The following PARVB variants were observed in gnomAD, a reference collection of about 807,000 sequenced individuals.
PARVB encodes the protein beta-parvin.
In PARVB, 46 loss-of-function variants were observed where a neutral mutation model predicts 47.0. The observed-to-expected ratio is 0.98, with a 90% CI of 0.77 to 1.25. PARVB has a LOEUF of 1.25. Ranked by LOEUF, PARVB falls within the 50% of genes most tolerant of loss-of-function variation. The probability of loss-of-function intolerance (pLI) is 0.00; values close to 1 mark genes in which losing one functional copy is unlikely to be tolerated. For missense variants in PARVB, 473 were observed against 471.6 expected, an observed-to-expected ratio of 1.00 and a Z score of -0.03; for synonymous variants, 196 against 196.3, an observed-to-expected ratio of 1.00 and a Z score of 0.01.
intron 2 of PARVB, among the ~76,000 whole-genome samples, chr22:44,001,619 A>G (rs2050414140): frequency 6.6e-6 from 1 of 152,208 alleles, no homozygotes; most frequent in Non-Finnish European, 1.5e-5. Context: ...GACCATTAGA[A>G]GTTAGGGAGG....
intron 2 of PARVB, among the ~76,000 whole-genome samples, chr22:44,012,473 A>G (rs1356538629): frequency 6.6e-6 from 1 of 152,226 alleles, no homozygotes; most frequent in African/African-American, 2.4e-5. Context: ...TACTGTGAAC[A>G]TCGCAGGTTA....
At chr22:44,053,496 CG>C (rs2051249562) in intron 1 of PARVB, among the ~76,000 whole-genome samples, 1 of 152,200 alleles carries the variant, frequency 6.6e-6, no homozygotes, top group African/African-American at 2.4e-5. Context: ...GTACAGGTAG[CG>C]GGGATGCCTG....
At chr22:44,033,452 A>G (rs1346911648) in intron 1 of PARVB, among the ~76,000 whole-genome samples, 1 of 152,214 alleles carries the variant, frequency 6.6e-6, no homozygotes, top group East Asian at 1.9e-4. Flanking sequence ...GGCAACTCAC[A>G]TGGGCACCAG....
chr22:44,134,717 G>A (rs936185115), intron 6 of PARVB, among the ~76,000 whole-genome samples: 1 of 152,212 alleles, frequency 6.6e-6, no homozygotes, highest in Non-Finnish European at 1.5e-5. Flanking sequence ...ACCCCAGATG[G>A]AATGGTTGGT....
chr22:44,147,513 A>G, intron 8 of PARVB: 1 of 386,538 alleles, frequency 2.6e-6, no homozygotes, highest in Non-Finnish European at 5.1e-6. Flanking sequence ...GAGTGTGGGA[A>G]CAGGGAGAAT....
At chr22:44,085,683 C>T (rs1170371921) in intron 1 of PARVB, among the ~76,000 whole-genome samples, 3 of 152,228 alleles carry the variant, frequency 2.0e-5, no homozygotes, top group Admixed American at 1.3e-4. Context: ...GAATCCTTCA[C>T]GAGCCTTCTG....
chr22:44,081,587 T>C, intron 1 of PARVB: 1 of 985,354 alleles, frequency 1.0e-6, no homozygotes, highest in Non-Finnish European at 1.2e-6. Context: ...TCTCCAGACT[T>C]AGCTTCTGCA....
At chr22:44,077,180 G>C (rs1288952983) in intron 1 of PARVB, among the ~76,000 whole-genome samples, 3 of 152,180 alleles carry the variant, frequency 2.0e-5, no homozygotes, top group Non-Finnish European at 4.4e-5. Context: ...GGAAGTCCAA[G>C]ATCAAGGTGT....
chr22:44,042,327 G>A (rs1380969107), intron 1 of PARVB, among the ~76,000 whole-genome samples: 3 of 152,198 alleles, frequency 2.0e-5, no homozygotes, highest in African/African-American at 4.8e-5. Context: ...AGGCTGAGGT[G>A]GGAGAATCGC....
chr22:44,016,339 G>A (rs368145012), intron 2 of PARVB, among the ~76,000 whole-genome samples: 32 of 151,942 alleles, frequency 2.1e-4, no homozygotes, highest in South Asian at 6.2e-4. Flanking sequence ...TTCGTGATCC[G>A]CCCGCCTCAG....
chr22:44,078,554 G>C (rs2051828137), intron 1 of PARVB, among the ~76,000 whole-genome samples: 1 of 152,132 alleles, frequency 6.6e-6, no homozygotes, highest in African/African-American at 2.4e-5. Flanking sequence ...CGGGCCCCCT[G>C]AATAACCAGG....
upstream of PARVB, among the ~76,000 whole-genome samples, chr22:44,021,846 G>A (rs149286481): frequency 7.3e-5 from 11 of 151,302 alleles, no homozygotes; most frequent in African/African-American, 2.7e-4. Context: ...GGCAGAGACG[G>A]GGCAATGCTT....
chr22:44,065,590 T>C (rs1044573361), intron 1 of PARVB, among the ~76,000 whole-genome samples: 2 of 152,218 alleles, frequency 1.3e-5, no homozygotes, highest in Non-Finnish European at 2.9e-5. Context: ...CAGTGTACAC[T>C]GCACCCAATA....
intron 1 of PARVB, among the ~76,000 whole-genome samples, chr22:44,055,840 C>T (rs1305687879): frequency 6.6e-6 from 1 of 152,182 alleles, no homozygotes; most frequent in Non-Finnish European, 1.5e-5. Flanking sequence ...ATCCCCTTAC[C>T]CTGCCTTTCG....
intron 1 of PARVB, among the ~76,000 whole-genome samples, chr22:44,057,575 G>C (rs1033780127): frequency 2.0e-5 from 3 of 152,178 alleles, no homozygotes; most frequent in African/African-American, 7.2e-5. Flanking sequence ...CTGGGTCTCG[G>C]GGGAGGCCTG....
intron 2 of PARVB, among the ~76,000 whole-genome samples, chr22:44,003,070 T>TC (rs1429904581): frequency 3.9e-5 from 6 of 152,296 alleles, no homozygotes; most frequent in Non-Finnish European, 8.8e-5. Flanking sequence ...TTCCCCGTAC[T>TC]TCCCCCGTGC....
At chr22:44,028,605 G>A (rs983450144) in intron 1 of PARVB, among the ~76,000 whole-genome samples, 1 of 152,224 alleles carries the variant, frequency 6.6e-6, no homozygotes, top group Non-Finnish European at 1.5e-5. Context: ...TAAAGCTGCT[G>A]TGTACATCTA....
chr22:44,124,659 A>G (rs2053148086), intron 4 of PARVB, among the ~76,000 whole-genome samples: 3 of 149,286 alleles, frequency 2.0e-5, no homozygotes, highest in Non-Finnish European at 4.4e-5. Flanking sequence ...TCCTGGTGGA[A>G]GGGTCTCCCC....
intron 1 of PARVB, among the ~76,000 whole-genome samples, chr22:44,057,462 C>T (rs192616194): frequency 4.6e-5 from 7 of 152,088 alleles, no homozygotes; most frequent in Admixed American, 3.3e-4. Flanking sequence ...GAGCGAGGCC[C>T]GAGGAGAGCT....
Sources: gnomAD v4.1 joint callset for allele counts (sites outside exome capture counted in the v4.1 genomes callset) on GRCh38, gnomAD v4.1.1 for gene constraint, MANE v1.5 for transcripts, NCBI Gene and HGNC (gene_info 2026-07-23, HGNC 2026-07-21) for gene names.